Variants in CBLN2 observed in about 807,000 individuals in gnomAD.
CBLN2 encodes cerebellin-2.
CBLN2 carries 7 observed loss-of-function variants against 15.0 expected under a neutral mutation model. The observed-to-expected ratio is 0.47, with a 90% confidence interval of 0.27 to 0.88. CBLN2 has a LOEUF of 0.88. Among genes scored for constraint, CBLN2 ranks in the 40% least tolerant of loss-of-function variants. The probability of loss-of-function intolerance (pLI) is 0.14; values close to 1 mark genes in which losing one functional copy is unlikely to be tolerated. For missense variants in CBLN2, 242 were observed against 304.5 expected, an observed-to-expected ratio of 0.79 and a Z score of 1.53; for synonymous variants, 149 against 135.2, an observed-to-expected ratio of 1.10 and a Z score of -0.71.
At chr18:72,608,337 C>T (rs1345790446) in intron 1 of CBLN2, among the ~76,000 whole-genome samples, 1 of 152,100 alleles carries the variant, frequency 6.6e-6, no homozygotes, top group Non-Finnish European at 1.5e-5. Context: ...TTCATACTTT[C>T]CCTCCCCGCT....
chr18:72,617,176 C>A (rs1299447858), intron 1 of CBLN2, among the ~76,000 whole-genome samples: 1 of 152,110 alleles, frequency 6.6e-6, no homozygotes, highest in Non-Finnish European at 1.5e-5. Flanking sequence ...TGTAAGTAAA[C>A]CTTTGGCAAG....
chr18:72,600,820 G>T (rs1387654399), intron 1 of CBLN2, among the ~76,000 whole-genome samples: 1 of 152,176 alleles, frequency 6.6e-6, no homozygotes, highest in African/African-American at 2.4e-5. Context: ...ACATTGATTG[G>T]TTGGGAATGA....
intron 1 of CBLN2, among the ~76,000 whole-genome samples, chr18:72,580,905 A>G (rs180931291): frequency 6.6e-6 from 1 of 152,260 alleles, no homozygotes; most frequent in East Asian, 1.9e-4. Context: ...CCTCTTCTCA[A>G]TAAGGCTTCC....
intron 1 of CBLN2, among the ~76,000 whole-genome samples, chr18:72,567,501 T>C (rs963316847): frequency 4.6e-5 from 7 of 152,162 alleles, no homozygotes; most frequent in Non-Finnish European, 1.0e-4. Flanking sequence ...GGCATGTCCA[T>C]ACACATACTC....
upstream of CBLN2, among the ~76,000 whole-genome samples, chr18:72,547,210 C>T (rs1398063674): frequency 1.3e-5 from 2 of 151,978 alleles, no homozygotes; most frequent in Non-Finnish European, 2.9e-5. Flanking sequence ...TTTGCAGCGA[C>T]ATAGATGGAA....
chr18:72,558,078 C>A (rs1228479838), intron 1 of CBLN2, among the ~76,000 whole-genome samples: 1 of 152,138 alleles, frequency 6.6e-6, no homozygotes, highest in Admixed American at 6.5e-5. Flanking sequence ...GAGGTGAACA[C>A]CCAGGTCTTC....
chr18:72,538,249 T>C lies in CBLN2; in HGVS notation c.602A>G (p.Lys201Arg). The change falls in exon 5 of 5, where the codon AAA becomes AGA. Residue 201 changes from lysine (K) to arginine (R), a missense_variant. By Grantham distance (26) the Lys-to-Arg change is conservative (BLOSUM62 2). Around this residue, in one of 4 missense-constraint regions of CBLN2, gnomAD observed 31 missense variants for 36.3 expected, o/e 0.86. Transcript: ENST00000269503. ...CCCCATGAGGTTGCCTCTCTCAAGTTTGAGATGCACTTTGTCTTCCCTTTC... is the reference window on the plus strand; with the variant it reads ...CCCCATGAGGTTGCCTCTCTCAAGTCTGAGATGCACTTTGTCTTCCCTTTC... The part of the protein sequence containing the change: ...LMEREDKVHL[K>R]LERGNLMGGW... 6.2e-7 allele frequency: 1 copy of C among 1,614,130 alleles called. No individual in the cohort carries two copies.
rs140174842 is a variant in CBLN2 at position 72,603,777 on chromosome 18, A to C, written c.15+34548T>G. ...AAGAAAATCAAACCATACAACCTAA[A>C]CTTAATTATAGATTGCCTAAATAAT... On this transcript the variant is annotated intron_variant, in intron 1 of 2. Coordinates refer to the CBLN2 transcript ENST00000581073. Among the ~76,000 whole-genome samples, 802 of 152,298 alleles carry C rather than the reference A, an allele frequency of 5.3e-3. 6 individuals are homozygous for C. Among genetic ancestry groups the C allele is most frequent in the African/African-American group, 0.018 (761 of 41,548 alleles).
At chr18:72,547,838 T>A (rs2069168173), upstream of CBLN2, among the ~76,000 whole-genome samples, 1 of 152,244 alleles carries the variant, frequency 6.6e-6, no homozygotes, top group Non-Finnish European at 1.5e-5. Flanking sequence ...GATCGTTTAG[T>A]AAAGTTTTAA....
chr18:72,630,521 C>CA (rs2069768202), intron 1 of CBLN2, among the ~76,000 whole-genome samples: 1 of 139,776 alleles, frequency 7.2e-6, no homozygotes, highest in African/African-American at 2.8e-5. Flanking sequence ...CACACACACA[C>CA]CCTGCACAAC....
chr18:72,567,619 A>C (rs764977939), intron 1 of CBLN2, among the ~76,000 whole-genome samples: 4 of 152,174 alleles, frequency 2.6e-5, no homozygotes, highest in Non-Finnish European at 5.9e-5. Flanking sequence ...TAAATATTTC[A>C]TATTCTTATG....
At chr18:72,598,021 T>A (rs1318960376) in intron 1 of CBLN2, among the ~76,000 whole-genome samples, 1 of 152,110 alleles carries the variant, frequency 6.6e-6, no homozygotes, top group Admixed American at 6.5e-5. Flanking sequence ...AGCTGCCCAC[T>A]TTGTGCTCTA....
intron 1 of CBLN2, among the ~76,000 whole-genome samples, chr18:72,565,041 C>T (rs1214028633): frequency 6.6e-6 from 1 of 152,192 alleles, no homozygotes. Flanking sequence ...CTCAGCAAAG[C>T]TATCCTTCAT....
chr18:72,631,727 C>T (rs948594004), intron 1 of CBLN2, among the ~76,000 whole-genome samples: 8 of 152,056 alleles, frequency 5.3e-5, no homozygotes, highest in African/African-American at 1.9e-4. Context: ...TGCCTTACAC[C>T]AAATTTTCTC....
At chr18:72,611,986 T>C (rs2069625647) in intron 1 of CBLN2, among the ~76,000 whole-genome samples, 1 of 152,210 alleles carries the variant, frequency 6.6e-6, no homozygotes, top group African/African-American at 2.4e-5. Flanking sequence ...GCACTATTTA[T>C]TGAATAGGGA....
chr18:72,565,717 G>C (rs919022113), intron 1 of CBLN2, among the ~76,000 whole-genome samples: 1 of 152,134 alleles, frequency 6.6e-6, no homozygotes, highest in Non-Finnish European at 1.5e-5. Flanking sequence ...TAACAAAAGA[G>C]GATGAGAGGT....
chr18:72,618,667 G>A, intron 1 of CBLN2: 1 of 804,008 alleles, frequency 1.2e-6, no homozygotes, highest in Non-Finnish European at 2.1e-6. Flanking sequence ...CGAAGTGATT[G>A]AACTCATGAC....
chr18:72,596,685 A>C (rs1159995207), intron 1 of CBLN2, among the ~76,000 whole-genome samples: 1 of 152,128 alleles, frequency 6.6e-6, no homozygotes, highest in Admixed American at 6.6e-5. Context: ...TTTTTACTGG[A>C]TGTACTATTG....
At chr18:72,600,261 A>C (rs891241003) in intron 1 of CBLN2, among the ~76,000 whole-genome samples, 2 of 152,170 alleles carry the variant, frequency 1.3e-5, no homozygotes, top group Non-Finnish European at 2.9e-5. Flanking sequence ...TTGATCCTGA[A>C]ATTGGGGTGT....
Sources: gnomAD v4.1 joint callset for allele counts (sites outside exome capture counted in the v4.1 genomes callset) on GRCh38, gnomAD v4.1.1 for gene constraint, gnomAD v4.1.1 regional missense constraint, MANE v1.5 for transcripts, NCBI Gene and HGNC (gene_info 2026-07-23, HGNC 2026-07-21) for gene names.